Variants in PDE10A observed in about 807,000 individuals in gnomAD.
PDE10A encodes phosphodiesterase 10A, also known as cAMP and cAMP-inhibited cGMP 3',5'-cyclic phosphodiesterase 10A.
PDE10A carries 39 observed loss-of-function variants against 97.7 expected under a neutral mutation model. The ratio of observed to expected loss-of-function variants is 0.40; its 90% confidence interval spans 0.31 to 0.52. The LOEUF (loss-of-function observed/expected upper bound fraction) is 0.52, where lower values mean the gene tolerates loss of function less well. Among genes scored for constraint, PDE10A ranks in the 20% least tolerant of loss-of-function variants. PDE10A has a pLI of 0.56. For synonymous variants in PDE10A, 371 were observed against 376.8 expected, an observed-to-expected ratio of 0.98 and a Z score of 0.18; for missense variants, 731 against 1,047.8, an observed-to-expected ratio of 0.70 and a Z score of 4.17.
rs375349001 is a variant in PDE10A at position 165,878,713 on chromosome 6, C to T, written c.-615+108816G>A. On this transcript the variant is annotated intron_variant, in intron 1 of 19. Coordinates refer to the PDE10A transcript ENST00000366882. ...GCAGGTATGATGAGCAGTCCTGAGACGGCGAGATGATCCTGAATTATCCAG... is the reference window on the plus strand; with the variant it reads ...GCAGGTATGATGAGCAGTCCTGAGATGGCGAGATGATCCTGAATTATCCAG... 1.2e-4 allele frequency among the ~76,000 whole-genome samples: 18 copies of T among 152,178 alleles called. 1 individual carries two copies. In the South Asian group the frequency reaches 1.2e-3, roughly 11 times the overall value.
chr6:165,950,522 G>A (rs1246284734), intron 1 of PDE10A, among the ~76,000 whole-genome samples: 1 of 152,216 alleles, frequency 6.6e-6, no homozygotes, highest in African/African-American at 2.4e-5. Flanking sequence ...CTCCAGCACA[G>A]AAGGCTTTGC....
At chr6:165,754,517 A>G (rs1466636505) in intron 1 of PDE10A, 2 of 152,228 alleles carry the variant, frequency 1.3e-5, no homozygotes, top group African/African-American at 4.8e-5. Context: ...AAATAGATTT[A>G]CATTTTACTA....
At chr6:165,816,527 A>G (rs756851472) in intron 1 of PDE10A, among the ~76,000 whole-genome samples, 23 of 152,182 alleles carry the variant, frequency 1.5e-4, no homozygotes, top group Non-Finnish European at 3.1e-4. Context: ...ACCTCCCCTT[A>G]CAGCCAATAA....
intron 1 of PDE10A, among the ~76,000 whole-genome samples, chr6:165,815,621 C>T (rs976341318): frequency 2.0e-5 from 3 of 152,136 alleles, no homozygotes; most frequent in Admixed American, 6.5e-5. Flanking sequence ...GAAGAGAAAA[C>T]CTGAAAGACG....
At chr6:165,430,798 G>A (rs1236679660) in intron 8 of PDE10A, among the ~76,000 whole-genome samples, 4 of 151,952 alleles carry the variant, frequency 2.6e-5, no homozygotes, top group Non-Finnish European at 4.4e-5. Flanking sequence ...CCTACAGCTC[G>A]ATTTTTCTTC....
At chr6:165,765,091 C>T (rs1777793408) in intron 1 of PDE10A, among the ~76,000 whole-genome samples, 1 of 152,212 alleles carries the variant, frequency 6.6e-6, no homozygotes. Context: ...CTGAGCTAGA[C>T]ACAGGGTGCT....
At chr6:165,944,251 CAT>C in intron 1 of PDE10A, among the ~76,000 whole-genome samples, 1 of 152,348 alleles carries the variant, frequency 6.6e-6, no homozygotes, top group African/African-American at 2.4e-5. Flanking sequence ...TCCCAGGACA[CAT>C]GGGGATTATT....
chr6:165,448,959 A>T lies in PDE10A; in HGVS notation c.1163T>A (p.Phe388Tyr). The T allele has an allele frequency of 1.9e-6, 3 of 1,613,112 alleles. No individual in the cohort carries two copies. Among genetic ancestry groups the T allele is most frequent in the Non-Finnish European group, 2.5e-6 (3 of 1,179,190 alleles). ...GCACTCTCCAAGGAAATACAGTGCA[A>T]ATCCATCGGCTTTTGTGGCTGCCAA... ...IIKIATKADG[F>Y]ALYFLGECNN... The change falls in exon 5 of 22, where the codon TTT (phenylalanine) becomes TAT (tyrosine). Residue 388 changes from phenylalanine (F) to tyrosine (Y), a missense_variant. Around this residue, in one of 8 missense-constraint regions of PDE10A, gnomAD observed 152 missense variants for 199.3 expected, o/e 0.76. Transcript: ENST00000539869.
intron 1 of PDE10A, among the ~76,000 whole-genome samples, chr6:165,866,124 G>T (rs1781036453): frequency 6.6e-6 from 1 of 151,882 alleles, no homozygotes; most frequent in Non-Finnish European, 1.5e-5. Context: ...CCCCAATTAA[G>T]AGATATAGAC....
intron 18 of PDE10A, among the ~76,000 whole-genome samples, chr6:165,374,667 A>G (rs1227379039): frequency 6.6e-6 from 1 of 151,786 alleles, no homozygotes; most frequent in Non-Finnish European, 1.5e-5. Context: ...AATGTAATAT[A>G]TGTATAAATT....
intron 1 of PDE10A, among the ~76,000 whole-genome samples, chr6:165,913,940 C>G (rs1782535942): frequency 6.6e-6 from 1 of 152,216 alleles, no homozygotes; most frequent in African/African-American, 2.4e-5. Context: ...ACGCGGCCTC[C>G]ACAAGTTCCA....
chr6:165,972,357 A>T (rs1437772188), intron 1 of PDE10A, among the ~76,000 whole-genome samples: 1 of 151,898 alleles, frequency 6.6e-6, no homozygotes, highest in Non-Finnish European at 1.5e-5. Context: ...TCTGCTGGCC[A>T]CGGGCACCCA....
At chr6:165,639,954 C>T (rs542528594) in intron 1 of PDE10A, among the ~76,000 whole-genome samples, 18 of 151,420 alleles carry the variant, frequency 1.2e-4, no homozygotes, top group Admixed American at 2.0e-4. Context: ...CCTGTGGTCC[C>T]GACGACTCAG....
chr6:165,594,437 G>GTACATTAA (rs1233275529), intron 1 of PDE10A, among the ~76,000 whole-genome samples: 1 of 151,992 alleles, frequency 6.6e-6, no homozygotes, highest in Non-Finnish European at 1.5e-5. Flanking sequence ...GAATAGAAAT[G>GTACATTAA]GTAATATATT....
upstream of PDE10A, among the ~76,000 whole-genome samples, chr6:165,664,124 A>C (rs558730333): frequency 6.6e-6 from 1 of 152,162 alleles, no homozygotes; most frequent in South Asian, 2.1e-4. Context: ...AGTGGAGCAC[A>C]CGCGCCAAAG....
At position 165,819,641 on chromosome 6, in the gene PDE10A, G is replaced by C. The variant is rs762828863; in HGVS notation, c.-615+167888C>G. Among the ~76,000 whole-genome samples, 1 of 152,130 alleles carries C rather than the reference G, an allele frequency of 6.6e-6. No individual in the cohort carries two copies. Among genetic ancestry groups the C allele is most frequent in the African/African-American group, 2.4e-5 (1 of 41,418 alleles). On this transcript the variant is annotated intron_variant, in intron 1 of 19. Coordinates refer to the PDE10A transcript ENST00000366882. This position sits in a 1 kb window ranked among gnomAD's most constrained non-coding sequence, Gnocchi z 4.2. The stretch of plus-strand genomic sequence containing the variant: ...GCCGGTTGCTCCTCCCCTGGTTTCC[G>C]TGGTGTTTGACCGAAACCTTTGCCA...
chr6:165,980,852 A>G (rs2128503805), intron 1 of PDE10A, among the ~76,000 whole-genome samples: 1 of 152,304 alleles, frequency 6.6e-6, no homozygotes, highest in East Asian at 1.9e-4. Flanking sequence ...AAGGAAAGGG[A>G]AAGTCAAAGA....
At chr6:165,904,200 G>A (rs1015414777) in intron 1 of PDE10A, among the ~76,000 whole-genome samples, 2 of 152,118 alleles carry the variant, frequency 1.3e-5, no homozygotes, top group Non-Finnish European at 2.9e-5. Context: ...AAAGAGGAGG[G>A]TAATTTCAAG....
intron 5 of PDE10A, among the ~76,000 whole-genome samples, chr6:165,448,709 AACACACAC>A (rs10645551): frequency 1.4e-5 from 2 of 147,490 alleles, no homozygotes; most frequent in African/African-American, 5.0e-5. Context: ...AGCCAAAGGA[AACACACAC>A]ACACACACAC....
Sources: gnomAD v4.1 joint callset for allele counts (sites outside exome capture counted in the v4.1 genomes callset) on GRCh38, gnomAD v4.1.1 for gene constraint, gnomAD v4.1.1 regional missense constraint, Gnocchi (gnomAD v3.1) non-coding constraint, MANE v1.5 for transcripts, NCBI Gene and HGNC (gene_info 2026-07-23, HGNC 2026-07-21) for gene names.